Variants in NBEAL1 observed in about 807,000 individuals in gnomAD.
NBEAL1 encodes neurobeachin like 1, also known as neurobeachin-like protein 1.
NBEAL1 carries 273 observed loss-of-function variants against 351.3 expected under a neutral mutation model. That is an observed-to-expected ratio of 0.78 (90% CI 0.70 to 0.86). NBEAL1 has a LOEUF of 0.86. NBEAL1 is among the 40% of genes least tolerant of loss of function. The pLI is 0.00. For synonymous variants in NBEAL1, 1,050 were observed against 1,086.4 expected, an observed-to-expected ratio of 0.97 and a Z score of 0.66; for missense variants, 2,961 against 3,201.3, an observed-to-expected ratio of 0.92 and a Z score of 1.81.
Position 203,097,620 on chromosome 2 carries a change from T to C in NBEAL1, c.1172T>C (p.Met391Thr). The change falls in exon 11 of 56, where the codon ATG becomes ACG. Residue 391 changes from methionine to threonine, a missense_variant. Coordinates refer to ENST00000683969, the MANE Select transcript of NBEAL1 (RefSeq NM_001378026.1). ...KDLANKLLTE[M>T]NEDQVFQGQL... ...CTTGCCAACAAATTACTGACAGAAA[T>C]GAATGAGGACCAGGTATCTACAAAG... The C allele has an allele frequency of 1.0e-6, 1 of 985,442 alleles. No homozygotes were observed. Among genetic ancestry groups the C allele is most frequent in the South Asian group, 4.7e-5 (1 of 21,284 alleles). The allele number at this position is 985,442 out of a possible 1,614,324, so 61.0% of individuals were successfully genotyped here. A position where few individuals can be genotyped will look rare whatever the true frequency, so the allele number is the denominator to read the frequency against.
rs576964486 is a variant in NBEAL1 at position 203,193,692 on chromosome 2, G to A, written c.6922-103G>A. On this transcript the variant is annotated intron_variant, in intron 46 of 55. Coordinates refer to ENST00000683969, the MANE Select transcript of NBEAL1 (RefSeq NM_001378026.1). ...ACACCTATAATTGTCAACAATGCAT[G>A]GTATGTAATTCATTGTAGCTAGAGC... is the stretch of plus-strand genomic sequence containing the variant. 20 of 661,306 alleles carry A rather than the reference G, an allele frequency of 3.0e-5. No homozygotes were observed. The South Asian group carries it at 4.3e-4, about 14-fold the overall frequency. The allele number at this position is 661,306 out of a possible 1,614,324, so 41.0% of individuals were successfully genotyped here.
intron 12 of NBEAL1, among the ~76,000 whole-genome samples, chr2:203,101,035 T>C (rs987644239): frequency 2.0e-5 from 3 of 152,226 alleles, no homozygotes; most frequent in African/African-American, 7.2e-5. Context: ...TAGTTTCCTT[T>C]GTTGTGCAGA....
rs184131329 is a variant in NBEAL1, at chr2:203,038,123, C to T, written c.52-3642C>T. On this transcript the variant is annotated intron_variant, in intron 2 of 55. Transcript: ENST00000683969. The stretch of plus-strand genomic sequence containing the variant: ...AGTATTCCATTGTACGAATGTACAA[C>T]GATTTGTTTATCCGTTAACTTGATA... 2.4e-3 allele frequency among the ~76,000 whole-genome samples: 362 copies of T among 149,148 alleles called. 37 individuals carry two copies. The highest frequency in any genetic ancestry group is 3.6e-4 in the Non-Finnish European group (24 of 66,512).
At chr2:203,134,736 T>G (rs1056442159) in intron 27 of NBEAL1, among the ~76,000 whole-genome samples, 1 of 152,242 alleles carries the variant, frequency 6.6e-6, no homozygotes, top group South Asian at 2.1e-4. Context: ...TCATACGTAT[T>G]CTCATGTCAC....
chr2:203,059,072 C>A (rs145267603), intron 6 of NBEAL1, among the ~76,000 whole-genome samples: 113 of 152,270 alleles, frequency 7.4e-4, no homozygotes, highest in Middle Eastern at 3.4e-3. Flanking sequence ...TGCAGCATTT[C>A]ATTACTAAAT....
intron 17 of NBEAL1, among the ~76,000 whole-genome samples, chr2:203,113,934 G>A (rs1355594386): frequency 6.6e-6 from 1 of 150,650 alleles, no homozygotes; most frequent in Admixed American, 6.7e-5. Flanking sequence ...CCATTCTCCT[G>A]CTTCAGCCTC....
chr2:203,020,610 G>A (rs1034729342), intron 2 of NBEAL1, among the ~76,000 whole-genome samples: 1 of 151,172 alleles, frequency 6.6e-6, no homozygotes, highest in African/African-American at 2.4e-5. Context: ...AACAGAGGTT[G>A]CAGTGAGCCG....
Position 203,020,232 on chromosome 2 carries a change from A to T in NBEAL1, c.51+3797A>T, listed in dbSNP as rs192197573. The stretch of plus-strand genomic sequence containing the variant: ...CCTTCTAGGAATAGGCTTTAATTAA[A>T]TTGTTAGAAACATGTGTCTTCTTCC... On this transcript the variant is annotated intron_variant, in intron 2 of 55. Transcript: ENST00000683969. 1.6e-3 allele frequency among the ~76,000 whole-genome samples: 245 copies of T among 152,346 alleles called. 3 individuals carry two copies. Among genetic ancestry groups the T allele is most frequent in the African/African-American group, 5.5e-3 (227 of 41,590 alleles).
intron 10 of NBEAL1, among the ~76,000 whole-genome samples, chr2:203,095,787 T>G (rs527867131): frequency 5.3e-5 from 8 of 152,260 alleles, no homozygotes; most frequent in Non-Finnish European, 8.8e-5. Flanking sequence ...TTGTTTGTTT[T>G]TTTGAGTCAG....
At chr2:203,041,342 CAGTT>C (rs1430350219) in intron 2 of NBEAL1, among the ~76,000 whole-genome samples, 6 of 152,018 alleles carry the variant, frequency 3.9e-5, no homozygotes, top group Admixed American at 2.6e-4. Flanking sequence ...AATAAATGTT[CAGTT>C]GTCCAGAAAA....
At chr2:203,066,164 A>G (rs1178173375) in intron 6 of NBEAL1, among the ~76,000 whole-genome samples, 1 of 152,206 alleles carries the variant, frequency 6.6e-6, no homozygotes, top group African/African-American at 2.4e-5. Flanking sequence ...GTAGAAGTAC[A>G]TTTTTATTAT....
rs771205788 is a variant in NBEAL1 at position 203,193,790 on chromosome 2, T to C, written c.6922-5T>C. On this transcript the variant is annotated splice_region_variant and splice_polypyrimidine_tract_variant and intron_variant, in intron 46 of 55. Transcript: ENST00000683969. The stretch of plus-strand genomic sequence containing the variant: ...GAATTGTTTTTCCTTAAAATTATTT[T>C]GAAGGAACCACACCCTCCAAGATTA... 2.5e-6 allele frequency: 4 copies of C among 1,599,234 alleles called. No homozygotes were observed. Among genetic ancestry groups the C allele is most frequent in the Non-Finnish European group, 3.4e-6 (4 of 1,171,064 alleles).
chr2:203,124,398 G>C (rs904096448), intron 19 of NBEAL1, among the ~76,000 whole-genome samples: 2 of 152,082 alleles, frequency 1.3e-5, no homozygotes, highest in Non-Finnish European at 2.9e-5. Context: ...GAGATCTAAT[G>C]TAAAACATGA....
intron 44 of NBEAL1, among the ~76,000 whole-genome samples, chr2:203,187,255 G>A (rs549351770): frequency 1.2e-3 from 182 of 151,274 alleles, no homozygotes; most frequent in Non-Finnish European, 2.1e-3. Context: ...AGTGGGTTTC[G>A]CCATGTTGCC....
intron 48 of NBEAL1, 147 bp from the exon 49 acceptor site, chr2:203,199,191 A>G: frequency 2.0e-6 from 1 of 501,184 alleles, no homozygotes; most frequent in Non-Finnish European, 3.6e-6. Flanking sequence ...TTATCTTAAG[A>G]TGTGCTTAAT....
rs761200085 is a variant in NBEAL1, at chr2:203,180,364, T to C, written c.6465-18T>C. On this transcript the variant is annotated intron_variant, in intron 42 of 55. Transcript: ENST00000683969. ...GATTTCATTCAATATTTACTTCTCT[T>C]TTAATTTCTACATGCAGGTTTGACT... is the stretch of plus-strand genomic sequence containing the variant. 6.3e-7 allele frequency: 1 copy of C among 1,589,322 alleles called. No individual in the cohort carries two copies. Among genetic ancestry groups the C allele is most frequent in the South Asian group, 1.2e-5 (1 of 85,462 alleles).
intron 44 of NBEAL1, among the ~76,000 whole-genome samples, chr2:203,184,911 A>AG (rs2064851057): frequency 6.6e-6 from 1 of 151,976 alleles, no homozygotes. Flanking sequence ...AAAAAAAAAA[A>AG]AAGTTTATTT....
chr2:203,016,292 A>G lies in NBEAL1; in HGVS notation c.-93A>G. On this transcript the variant is annotated 5_prime_UTR_variant, in exon 2 of 56. Coordinates refer to ENST00000683969, the MANE Select transcript of NBEAL1 (RefSeq NM_001378026.1). ...TCTTTACTGCTATGAGCTTTACTGAACGGCTGAAAAACTTGGAAAATAAAA... is the reference window on the plus strand; with the variant it reads ...TCTTTACTGCTATGAGCTTTACTGAGCGGCTGAAAAACTTGGAAAATAAAA... 1.2e-6 allele frequency: 1 copy of G among 856,868 alleles called. No individual in the cohort carries two copies. The highest frequency in any genetic ancestry group is 1.7e-5 in the African/African-American group (1 of 58,774). The allele number at this position is 856,868 out of a possible 1,614,324, so 53.1% of individuals were successfully genotyped here. A position where few individuals can be genotyped will look rare whatever the true frequency, so the allele number is the denominator to read the frequency against.
At chr2:203,085,835 G>A (rs190712667) in intron 10 of NBEAL1, 10 of 152,208 alleles carry the variant, frequency 6.6e-5, no homozygotes, top group Admixed American at 2.0e-4. Flanking sequence ...ATGAAAACTG[G>A]TAATAATTCC....
Sources: allele counts gnomAD v4.1 joint callset (sites outside exome capture counted in the v4.1 genomes callset), GRCh38; gene constraint gnomAD v4.1.1; transcripts MANE v1.5; gene names NCBI Gene and HGNC (gene_info 2026-07-23, HGNC 2026-07-21).